The following ZNF875 variants were observed in gnomAD, a reference collection of about 807,000 sequenced individuals.
ZNF875 encodes HKR1, GLI-Kruppel zinc finger family member.
A neutral mutation model predicts 11.2 loss-of-function variants in ZNF875; 14 were observed. The observed-to-expected ratio is 1.26, with a 90% CI of 0.83 to 1.96. ZNF875 has a LOEUF of 1.96. Ranked by LOEUF, ZNF875 falls within the 30% of genes most tolerant of loss-of-function variation. The pLI, the probability that ZNF875 is intolerant of heterozygous loss-of-function variation, is 0.00. For synonymous variants in ZNF875, 301 were observed against 281.1 expected (o/e 1.07, Z -0.71); for missense variants, 752 against 760.4 (o/e 0.99, Z 0.13).
At chr19:37,348,273 A>G (rs928557043) in intron 4 of ZNF875, among the ~76,000 whole-genome samples, 3 of 152,180 alleles carry the variant, frequency 2.0e-5, no homozygotes, top group African/African-American at 4.8e-5. Flanking sequence ...TTATTACACA[A>G]TACTTAAGCT....
chr19:37,331,933 GGTATAAAACCCGATT>G (rs1481088968), upstream of ZNF875, among the ~76,000 whole-genome samples: 2 of 131,514 alleles, frequency 1.5e-5, no homozygotes, highest in Non-Finnish European at 3.4e-5. Context: ...GGAATGTCTC[GGTATAAAACCCGATT>G]GTATGCTCCA....
At chr19:37,328,197 C>G (rs1448012262) in intron 4 of ZNF875, among the ~76,000 whole-genome samples, 1 of 152,032 alleles carries the variant, frequency 6.6e-6, no homozygotes, top group Non-Finnish European at 1.5e-5. Flanking sequence ...CAAGATCGCA[C>G]CATTGCACTC....
chr19:37,362,729 T>A lies in ZNF875; in HGVS notation c.877T>A (p.Trp293Arg). The A allele has an allele frequency of 6.2e-7, 1 of 1,608,976 alleles. No individual in the cohort carries two copies. The highest frequency in any genetic ancestry group is 8.5e-7 in the Non-Finnish European group (1 of 1,178,244). Residue 293 changes from tryptophan (W) to arginine (R), a missense_variant, in exon 5 of 5, where the codon TGG becomes AGG. Physicochemically the swap from Trp to Arg is moderately radical, Grantham distance 101. Coordinates refer to ENST00000392153, the MANE Select transcript of ZNF875 (RefSeq NM_001353803.2). Reference sequence around the variant, plus strand: ...CAGGGAATGTGGGCGAGGCTTTACGTGGAAGTCAAACCTGATCACACATCA... The same window carrying A: ...CAGGGAATGTGGGCGAGGCTTTACGAGGAAGTCAAACCTGATCACACATCA... Reference protein sequence around the residue: ...VCRECGRGFTWKSNLITHQRT... With the variant: ...VCRECGRGFTRKSNLITHQRT...
At chr19:37,331,386 G>A (rs999660650), upstream of ZNF875, among the ~76,000 whole-genome samples, 4 of 151,946 alleles carry the variant, frequency 2.6e-5, no homozygotes, top group African/African-American at 7.2e-5. Flanking sequence ...TGGCCACCAC[G>A]CCCATGTGGG....
chr19:37,350,449 CAG>C (rs2037657658), intron 4 of ZNF875, among the ~76,000 whole-genome samples: 1 of 151,998 alleles, frequency 6.6e-6, no homozygotes, highest in South Asian at 2.1e-4. Flanking sequence ...AAAAATAATA[CAG>C]AGAGTTTCCA....
upstream of ZNF875, among the ~76,000 whole-genome samples, chr19:37,331,748 T>G (rs1345116981): frequency 2.7e-5 from 4 of 146,410 alleles, no homozygotes; most frequent in African/African-American, 9.8e-5. Flanking sequence ...CCCCATGTGA[T>G]AGTCTGAAAG....
At position 37,325,634 on chromosome 19, in the gene ZNF875, C is replaced by A. The variant is rs966809565; in HGVS notation, c.-603+1369C>A. ...CAGCATAGCTCACTGCAGTCTCAAA[C>A]TCCTGGGCTCAAGAGATCCTCCTAC... On this transcript the variant is annotated intron_variant, in intron 4 of 5. Coordinates refer to the ZNF875 transcript ENST00000544914. Among the ~76,000 whole-genome samples, 7 of 151,722 alleles carry A rather than the reference C, an allele frequency of 4.6e-5. No homozygotes were observed. The East Asian group carries it at 1.2e-3, about 25-fold the overall frequency.
Position 37,363,456 on chromosome 19 carries a change from T to C in ZNF875, c.1604T>C (p.Met535Thr), listed in dbSNP as rs762432660. The change falls in exon 5 of 5, where the codon ATG (methionine) becomes ACG (threonine). Residue 535 changes from methionine to threonine, a missense_variant. Transcript: ENST00000392153. Reference protein sequence around the residue: ...QRTHSGEKPFMCRECGRRFRQ... With the variant: ...QRTHSGEKPFTCRECGRRFRQ... ...ACACATTCAGGGGAAAAGCCTTTTATGTGCAGGGAGTGTGGCAGAAGGTTT... is the reference window on the plus strand; with the variant it reads ...ACACATTCAGGGGAAAAGCCTTTTACGTGCAGGGAGTGTGGCAGAAGGTTT... 2 of 1,614,076 alleles carry C rather than the reference T, an allele frequency of 1.2e-6. No homozygotes were observed. Among genetic ancestry groups the C allele is most frequent in the Non-Finnish European group, 1.7e-6 (2 of 1,179,974 alleles).
At chr19:37,335,460 A>C (rs796377200) in intron 2 of ZNF875, among the ~76,000 whole-genome samples, 1 of 152,174 alleles carries the variant, frequency 6.6e-6, no homozygotes, top group African/African-American at 2.4e-5. Context: ...TGTAACCTGC[A>C]CGGACCTGGT....
intron 4 of ZNF875, 148 bp from the exon 5 acceptor site, chr19:37,361,961 A>G (rs2040010904): frequency 1.6e-6 from 1 of 620,804 alleles, no homozygotes. Context: ...ATGAAGTGAA[A>G]TGAAAAATAG....
chr19:37,340,259 G>C (rs528587093), intron 2 of ZNF875, among the ~76,000 whole-genome samples: 122 of 152,312 alleles, frequency 8.0e-4, no homozygotes, highest in Non-Finnish European at 1.2e-3. Context: ...TGGGATTACA[G>C]GTGTGAGCCA....
intron 2 of ZNF875, 41 bp from the exon 3 acceptor site, chr19:37,347,149 G>A: frequency 1.2e-6 from 2 of 1,613,046 alleles, no homozygotes; most frequent in Non-Finnish European, 1.7e-6. Context: ...GGGAGGGAAA[G>A]ACAGGCTCCT....
Position 37,347,810 on chromosome 19 carries a change from A to C in ZNF875, c.194A>C (p.Gln65Pro), listed in dbSNP as rs2037103768. 1 of 1,613,506 alleles carries C rather than the reference A, an allele frequency of 6.2e-7. No homozygotes were observed. The highest frequency in any genetic ancestry group is 8.5e-7 in the Non-Finnish European group (1 of 1,179,540). ...IPSSKPKLIAQLERGEAPWRE... is the reference protein window; with the variant it reads ...IPSSKPKLIAPLERGEAPWRE... Reference sequence around the variant, plus strand: ...TCTTCTAAACCAAAACTCATTGCTCAGCTGGAGCGAGGGGAAGCGCCCTGG... The same window carrying C: ...TCTTCTAAACCAAAACTCATTGCTCCGCTGGAGCGAGGGGAAGCGCCCTGG... The change falls in exon 4 of 5, where the codon CAG (glutamine) becomes CCG (proline). Residue 65 changes from glutamine to proline, a missense_variant. Physicochemically the swap from Gln to Pro is moderately conservative, Grantham distance 76 (BLOSUM62 -1). Transcript: ENST00000392153.
chr19:37,326,048 G>T (rs1482665127), intron 4 of ZNF875, among the ~76,000 whole-genome samples: 1 of 151,834 alleles, frequency 6.6e-6, no homozygotes, highest in Non-Finnish European at 1.5e-5. Flanking sequence ...TTGCTATGTT[G>T]CCCAGACCGG....
chr19:37,332,985 A>G (rs557003811), upstream of ZNF875, among the ~76,000 whole-genome samples: 2 of 152,324 alleles, frequency 1.3e-5, no homozygotes, highest in Non-Finnish European at 2.9e-5. Context: ...ATTTAAATGA[A>G]TGCAGCTGTA....
At chr19:37,331,692 C>T (rs112073823), upstream of ZNF875, among the ~76,000 whole-genome samples, 31,567 of 146,940 alleles carry the variant, frequency 0.21, 3,846 homozygotes, top group Middle Eastern at 0.31. Flanking sequence ...TGCAGAAGGC[C>T]GCAGGGACCT....
upstream of ZNF875, among the ~76,000 whole-genome samples, chr19:37,332,099 A>C (rs923608117): frequency 1.3e-4 from 18 of 143,460 alleles, no homozygotes; most frequent in Admixed American, 3.5e-4. Flanking sequence ...TCTATGATGC[A>C]AAGACCTTTG....
At chr19:37,343,915 T>C (rs1167756686) in intron 2 of ZNF875, among the ~76,000 whole-genome samples, 1 of 152,104 alleles carries the variant, frequency 6.6e-6, no homozygotes, top group Non-Finnish European at 1.5e-5. Flanking sequence ...TTAGCCTATA[T>C]AAAAAGAAGT....
chr19:37,329,214 T>G (rs2033005815), intron 4 of ZNF875: 3 of 152,206 alleles, frequency 2.0e-5, no homozygotes, highest in South Asian at 2.1e-4. Flanking sequence ...GTTGCTCCCT[T>G]GCGGAGTTTT....
Sources: allele counts gnomAD v4.1 joint callset (sites outside exome capture counted in the v4.1 genomes callset), GRCh38; gene constraint gnomAD v4.1.1; transcripts MANE v1.5; gene names NCBI Gene and HGNC (gene_info 2026-07-23, HGNC 2026-07-21).